The following CCDC66 variants were observed in gnomAD, a reference collection of about 807,000 sequenced individuals.
The protein encoded by CCDC66 is coiled-coil domain containing 66.
In CCDC66, 133 loss-of-function variants were observed where a neutral mutation model predicts 128.3. The observed-to-expected ratio is 1.04, with a 90% CI of 0.90 to 1.20. The LOEUF is 1.20. CCDC66 is among the 50% of genes most tolerant of loss of function. CCDC66 has a pLI of 0.00. For missense variants in CCDC66, 1,126 were observed against 1,075.5 expected (o/e 1.05, Z -0.66); for synonymous variants, 387 against 357.0 (o/e 1.08, Z -0.95).
chr3:56,558,474 C>T (rs1260241641), intron 1 of CCDC66, among the ~76,000 whole-genome samples: 1 of 152,170 alleles, frequency 6.6e-6, no homozygotes, highest in South Asian at 2.1e-4. Flanking sequence ...GTCATGAGTT[C>T]ATTATGAAAC....
At chr3:56,588,409 TAC>T (rs1190941810) in intron 7 of CCDC66, among the ~76,000 whole-genome samples, 1 of 152,190 alleles carries the variant, frequency 6.6e-6, no homozygotes, top group African/African-American at 2.4e-5. Context: ...CTAAAGAACT[TAC>T]TCATGTAACC....
chr3:56,619,219 G>GA (rs1353694244), intron 15 of CCDC66, 52 bp from the exon 16 acceptor site: 4 of 1,343,694 alleles, frequency 3.0e-6, no homozygotes, highest in Middle Eastern at 2.6e-4. Flanking sequence ...TGTGATTAAA[G>GA]AGATATACTT....
chr3:56,559,629 A>C (rs1187965993), intron 3 of CCDC66, 35 bp downstream of exon 3: 3 of 1,487,494 alleles, frequency 2.0e-6, no homozygotes, highest in Admixed American at 4.7e-5. Context: ...CCTGTTTTCA[A>C]ATGTAAAATG....
chr3:56,565,757 C>G (rs2107775974), intron 4 of CCDC66, among the ~76,000 whole-genome samples: 1 of 151,886 alleles, frequency 6.6e-6, no homozygotes, highest in Non-Finnish European at 1.5e-5. Flanking sequence ...AGCTCCGCCT[C>G]CCAGGTTCAC....
Position 56,615,996 on chromosome 3 carries a change from A to C in CCDC66, c.1786A>C (p.Lys596Gln), listed in dbSNP as rs1398426474. The C allele has an allele frequency of 3.1e-6, 5 of 1,592,980 alleles. No individual in the cohort carries two copies. Among genetic ancestry groups the C allele is most frequent in the Non-Finnish European group, 4.3e-6 (5 of 1,170,952 alleles). ...ACATGATTCTGATGAAATCAGTGGT[A>C]AAATGAATACATATATGAATTCTAC... ...SRHDSDEISG[K>Q]MNTYMNSTTS... Residue 596 changes from lysine to glutamine, a missense_variant, in exon 13 of 18, where the codon AAA becomes CAA. By Grantham distance (53) the Lys-to-Gln change is moderately conservative (BLOSUM62 1). Transcript: ENST00000394672.
chr3:56,608,457 G>C (rs1259850082), intron 10 of CCDC66, among the ~76,000 whole-genome samples: 3 of 152,082 alleles, frequency 2.0e-5, no homozygotes, highest in Non-Finnish European at 4.4e-5. Flanking sequence ...TATTTCAGTG[G>C]TGTCAGTTGT....
rs576563097 is a variant in CCDC66 at position 56,610,627 on chromosome 3, G to C, written c.1405-2962G>C. ...TGCTGGTGAAGTAGTGTGATTTTTG[G>C]GGGGGTGTTGACGAGCCTTGTTTTA... On this transcript the variant is annotated intron_variant, in intron 10 of 17. Coordinates refer to ENST00000394672, the MANE Select transcript of CCDC66 (RefSeq NM_001141947.3). 7.8e-4 allele frequency among the ~76,000 whole-genome samples: 118 copies of C among 152,228 alleles called. 3 individuals are homozygous for C. In the South Asian group the frequency reaches 0.023, roughly 30 times the overall value.
rs1008695471 is a variant in CCDC66, at chr3:56,621,436, G to C, written c.2761-96G>C. 11 of 836,360 alleles carry C rather than the reference G, an allele frequency of 1.3e-5. No homozygotes were observed. In the African/African-American group the frequency reaches 1.4e-4, roughly 10 times the overall value. The allele number at this position is 836,360 out of a possible 1,614,324, so 51.8% of individuals were successfully genotyped here. A position where few individuals can be genotyped will look rare whatever the true frequency, so the allele number is the denominator to read the frequency against. On this transcript the variant is annotated intron_variant, in intron 17 of 17. Transcript: ENST00000394672. ...TGAATGACAAAATTTTATCCTAAGC[G>C]ATATGTTTTCCAAGTGAATATAATT...
chr3:56,565,888 G>C (rs369852336), intron 4 of CCDC66, among the ~76,000 whole-genome samples: 29 of 150,848 alleles, frequency 1.9e-4, no homozygotes, highest in Non-Finnish European at 3.5e-4. Flanking sequence ...GGATGGTCTC[G>C]ATCTCCTGAC....
intron 2 of CCDC66, among the ~76,000 whole-genome samples, chr3:56,559,141 C>T (rs895673431): frequency 6.6e-6 from 1 of 152,070 alleles, no homozygotes; most frequent in Non-Finnish European, 1.5e-5. Context: ...CAGTATATTG[C>T]GTGTTCATTA....
intron 3 of CCDC66, among the ~76,000 whole-genome samples, chr3:56,562,859 C>T (rs1282593633): frequency 2.0e-5 from 3 of 151,274 alleles, no homozygotes; most frequent in East Asian, 2.0e-4. Flanking sequence ...GTTGGCCAGG[C>T]TGGCCTTGAA....
At chr3:56,582,536 G>A (rs1041195614) in intron 7 of CCDC66, among the ~76,000 whole-genome samples, 9 of 151,504 alleles carry the variant, frequency 5.9e-5, no homozygotes, top group East Asian at 2.0e-4. Context: ...AACCTCCTCC[G>A]GAATTTTTTT....
chr3:56,582,117 G>A (rs945058643), intron 7 of CCDC66, among the ~76,000 whole-genome samples: 4 of 151,910 alleles, frequency 2.6e-5, no homozygotes, highest in Non-Finnish European at 5.9e-5. Context: ...AGCAATAGGG[G>A]ACGCCCCTCC....
chr3:56,559,553 C>A lies in CCDC66; in HGVS notation c.77-16C>A. On this transcript the variant is annotated splice_polypyrimidine_tract_variant and intron_variant, in intron 2 of 17. Transcript: ENST00000394672. ...CTTTTGGTGGATAGTTTAGTAATTTCTTTTTTCTTTTGTAGAACATAAATC... is the reference window on the plus strand; with the variant it reads ...CTTTTGGTGGATAGTTTAGTAATTTATTTTTTCTTTTGTAGAACATAAATC... 7 of 1,513,270 alleles carry A rather than the reference C, an allele frequency of 4.6e-6. No individual in the cohort carries two copies. Among genetic ancestry groups the A allele is most frequent in the Non-Finnish European group, 6.2e-6 (7 of 1,121,326 alleles). 93.7% of individuals were successfully genotyped at this position (1,513,270 alleles called of 1,614,324 possible).
intron 10 of CCDC66, among the ~76,000 whole-genome samples, chr3:56,603,342 T>C (rs2073545162): frequency 1.3e-5 from 2 of 152,060 alleles, no homozygotes; most frequent in Admixed American, 6.5e-5. Flanking sequence ...TGAATTTGTT[T>C]GCTCTTGTTT....
In CCDC66 at chr3:56,582,900, G is replaced by C. The variant is rs561439800; in HGVS notation, c.937-10070G>C. Among the ~76,000 whole-genome samples, 423 of 121,190 alleles carry C rather than the reference G, an allele frequency of 3.5e-3. 2 individuals are homozygous for C. The highest frequency in any genetic ancestry group is 0.013 in the African/African-American group (405 of 31,510). The allele number at this position is 121,190 out of a possible 152,430, so 79.5% of individuals were successfully genotyped here. A position where few individuals can be genotyped will look rare whatever the true frequency, so the allele number is the denominator to read the frequency against. On this transcript the variant is annotated intron_variant, in intron 7 of 17. Coordinates refer to ENST00000394672, the MANE Select transcript of CCDC66 (RefSeq NM_001141947.3). ...TATTATTATTATTATTATTAGATAG[G>C]GTCTCATAACCTGTCACCCAGGCTA... is the stretch of plus-strand genomic sequence containing the variant.
Position 56,593,500 on chromosome 3 carries a change from C to T in CCDC66, c.1078C>T (p.His360Tyr). 1 of 1,614,028 alleles carries T rather than the reference C, an allele frequency of 6.2e-7. No individual in the cohort carries two copies. Among genetic ancestry groups the T allele is most frequent in the Non-Finnish European group, 8.5e-7 (1 of 1,179,924 alleles). Residue 360 changes from histidine (H) to tyrosine (Y), a missense_variant, in exon 9 of 18, where the codon CAT (histidine) becomes TAT (tyrosine). Coordinates refer to ENST00000394672, the MANE Select transcript of CCDC66 (RefSeq NM_001141947.3). Reference sequence around the variant, plus strand: ...TATTTGTCATCATTAGGGTGAGGAACATGACAGATGGGCAATGCACTTTGA... The same window carrying T: ...TATTTGTCATCATTAGGGTGAGGAATATGACAGATGGGCAATGCACTTTGA... ...EKIIYSKGEE[H>Y]DRWAMHFDSL... is the part of the protein sequence containing the mutation.
In CCDC66 at chr3:56,568,052, A is replaced by C. The variant is rs144869862; in HGVS notation, c.814+999A>C. On this transcript the variant is annotated intron_variant, in intron 6 of 17. Transcript: ENST00000394672. ...AGTAGCCTTCAGAGAACAGATGACA[A>C]ATGTTTCCTTCAGACCTTTAAAGGT... Among the ~76,000 whole-genome samples the C allele has an allele frequency of 1.6e-3, 245 of 152,216 alleles. 2 individuals are homozygous for C. Among genetic ancestry groups the C allele is most frequent in the African/African-American group, 5.8e-3 (241 of 41,538 alleles).
chr3:56,562,105 A>G (rs908566990), intron 3 of CCDC66, among the ~76,000 whole-genome samples: 24 of 151,852 alleles, frequency 1.6e-4, no homozygotes, highest in African/African-American at 4.6e-4. Flanking sequence ...CAGTGGGACA[A>G]TTATGGCTCA....
Sources: gnomAD v4.1 joint callset for allele counts (sites outside exome capture counted in the v4.1 genomes callset) on GRCh38, gnomAD v4.1.1 for gene constraint, MANE v1.5 for transcripts, NCBI Gene and HGNC (gene_info 2026-07-23, HGNC 2026-07-21) for gene names.